RECK: variants seen among roughly 807,000 people sequenced by gnomAD.
The protein encoded by RECK is reversion-inducing cysteine-rich protein with Kazal motifs.
A neutral mutation model predicts 115.1 loss-of-function variants in RECK; 69 were observed. The observed-to-expected ratio is 0.60, with a 90% CI of 0.49 to 0.73. The LOEUF (loss-of-function observed/expected upper bound fraction) is 0.73. Among genes scored for constraint, RECK ranks in the 30% least tolerant of loss-of-function variants. The pLI is 0.00. For missense variants in RECK, 1,047 were observed against 1,203.7 expected, an observed-to-expected ratio of 0.87 and a Z score of 1.93; for synonymous variants, 414 against 419.7, an observed-to-expected ratio of 0.99 and a Z score of 0.17.
At chr9:36,047,591 C>T (rs112563432) in intron 1 of RECK, among the ~76,000 whole-genome samples, 132 of 152,100 alleles carry the variant, frequency 8.7e-4, no homozygotes, top group Middle Eastern at 3.4e-3. Context: ...GGTGACAGCG[C>T]AAGACTCTCA....
At chr9:36,075,310 A>G (rs1822406673) in intron 6 of RECK, among the ~76,000 whole-genome samples, 1 of 152,232 alleles carries the variant, frequency 6.6e-6, no homozygotes, top group Non-Finnish European at 1.5e-5. Context: ...GTTTCTCTGC[A>G]GATGTTACTT....
At chr9:36,037,951 A>G (rs544833111) in intron 1 of RECK, among the ~76,000 whole-genome samples, 22 of 149,856 alleles carry the variant, frequency 1.5e-4, no homozygotes, top group Middle Eastern at 3.4e-3. Flanking sequence ...GGACGTGTGC[A>G]TGCAAAAGTG....
Position 36,094,487 on chromosome 9 carries a change from A to G in RECK, c.1085+3144A>G, listed in dbSNP as rs1823266690. Among the ~76,000 whole-genome samples, 1 of 152,160 alleles carries G rather than the reference A, an allele frequency of 6.6e-6. No individual in the cohort carries two copies. On this transcript the variant is annotated intron_variant, in intron 10 of 20. Coordinates refer to ENST00000377966, the MANE Select transcript of RECK (RefSeq NM_021111.3). The surrounding 1 kb of genome is among the most constrained non-coding windows in gnomAD (Gnocchi z 4.1). ...AAAGAGGTATAGCTAAGAAGCTAAT[A>G]GGAAATATAAAATGGAAAACTAAAA...
At chr9:36,056,620 T>C (rs1821540793) in intron 2 of RECK, among the ~76,000 whole-genome samples, 1 of 152,186 alleles carries the variant, frequency 6.6e-6, no homozygotes. Flanking sequence ...TCTAGACCTA[T>C]ATGGTAGCCA....
chr9:36,094,221 T>G lies in RECK; in HGVS notation c.1085+2878T>G, dbSNP rs1394055302. Among the ~76,000 whole-genome samples, 1 of 152,044 alleles carries G rather than the reference T, an allele frequency of 6.6e-6. No homozygotes were observed. Among genetic ancestry groups the G allele is most frequent in the East Asian group, 1.9e-4 (1 of 5,202 alleles). ...CTTTTTCTTTTTTTTCTTTTGTATT[T>G]TATTTTTCAAAAGTAATTGGTTAAA... On this transcript the variant is annotated intron_variant, in intron 10 of 20. Coordinates refer to ENST00000377966, the MANE Select transcript of RECK (RefSeq NM_021111.3). This position sits in a 1 kb window ranked among gnomAD's most constrained non-coding sequence, Gnocchi z 4.1.
At chr9:36,112,268 A>T in intron 15 of RECK, 37 bp from the exon 16 acceptor site, 1 of 1,602,514 alleles carries the variant, frequency 6.2e-7, no homozygotes, top group Non-Finnish European at 8.5e-7. Context: ...GGGGGAATAT[A>T]CACATACATA....
chr9:36,061,126 CAG>C (rs1821743269), intron 4 of RECK, among the ~76,000 whole-genome samples: 1 of 152,006 alleles, frequency 6.6e-6, no homozygotes, highest in Non-Finnish European at 1.5e-5. Flanking sequence ...AATAATTTAT[CAG>C]GGGATATTCA....
rs1824459517 is a variant in RECK, at chr9:36,121,535, A to T, written c.2541A>T (p.Val847=). Residue 847 remains valine, a splice_region_variant and synonymous_variant, in exon 20 of 21, where the codon GTA becomes GTT. Coordinates refer to ENST00000377966, the MANE Select transcript of RECK (RefSeq NM_021111.3). Reference sequence around the variant, plus strand: ...TAATACATGTTTTCTCTTTCCAGGTAACAAATAAAAAGCCAATAACAGTTC... The same window carrying T: ...TAATACATGTTTTCTCTTTCCAGGTTACAAATAAAAAGCCAATAACAGTTC... ...DKEKLDTIAK[V]TNKKPITVLE... 1 of 1,612,558 alleles carries T rather than the reference A, an allele frequency of 6.2e-7. No individual in the cohort carries two copies. Among genetic ancestry groups the T allele is most frequent in the Admixed American group, 1.7e-5 (1 of 59,824 alleles).
chr9:36,086,471 A>G (rs146673930), intron 8 of RECK, among the ~76,000 whole-genome samples: 2,214 of 152,246 alleles, frequency 0.015, 47 homozygotes, highest in East Asian at 0.061. Flanking sequence ...AGTGAGTGTT[A>G]CAGCTCATGA....
chr9:36,092,456 C>A (rs1415030670), intron 10 of RECK, among the ~76,000 whole-genome samples: 2 of 151,836 alleles, frequency 1.3e-5, no homozygotes, highest in Non-Finnish European at 2.9e-5. Context: ...ACTGCAACCT[C>A]CGCCTCCTGG....
chr9:36,094,990 A>T lies in RECK; in HGVS notation c.1085+3647A>T, dbSNP rs933855218. ...ATCATAAAAAGTATATTTTCTGAAC[A>T]CAACAGAATCAAATTGGAAATCAAT... On this transcript the variant is annotated intron_variant, in intron 10 of 20. Transcript: ENST00000377966. The surrounding 1 kb of genome is among the most constrained non-coding windows in gnomAD (Gnocchi z 4.1). 6.6e-6 allele frequency among the ~76,000 whole-genome samples: 1 copy of T among 152,254 alleles called. No homozygotes were observed. The highest frequency in any genetic ancestry group is 1.5e-5 in the Non-Finnish European group (1 of 68,044).
At chr9:36,061,187 C>T (rs1025463272) in intron 4 of RECK, among the ~76,000 whole-genome samples, 1 of 152,164 alleles carries the variant, frequency 6.6e-6, no homozygotes, top group Non-Finnish European at 1.5e-5. Context: ...CTCATGATCT[C>T]CCAGGATTAC....
intron 4 of RECK, among the ~76,000 whole-genome samples, chr9:36,062,917 C>T (rs1003902869): frequency 6.6e-6 from 1 of 152,096 alleles, no homozygotes; most frequent in East Asian, 1.9e-4. Flanking sequence ...AGCACATTAC[C>T]TGAGGTCAGG....
intron 10 of RECK, among the ~76,000 whole-genome samples, chr9:36,092,340 G>A (rs1440275745): frequency 1.3e-5 from 2 of 151,950 alleles, no homozygotes; most frequent in Non-Finnish European, 2.9e-5. Flanking sequence ...GAAGGTATTG[G>A]AGACTGATCA....
At chr9:36,110,743 T>A (rs2132664720) in intron 15 of RECK, among the ~76,000 whole-genome samples, 1 of 151,814 alleles carries the variant, frequency 6.6e-6, no homozygotes, top group East Asian at 1.9e-4. Flanking sequence ...CATTTCACAC[T>A]GCTGCAGTGG....
chr9:36,066,724 C>T, intron 6 of RECK: 1 of 1,073,606 alleles, frequency 9.3e-7, no homozygotes, highest in South Asian at 1.6e-5. Flanking sequence ...GTGATAATTC[C>T]TTCTTTTCTC....
At chr9:36,093,676 A>T (rs1823243317) in intron 10 of RECK, among the ~76,000 whole-genome samples, 1 of 152,208 alleles carries the variant, frequency 6.6e-6, no homozygotes, top group Admixed American at 6.5e-5. Context: ...AAGGAGCAGA[A>T]AAATATTTGA....
intron 1 of RECK, among the ~76,000 whole-genome samples, chr9:36,052,034 C>A (rs550442680): frequency 1.3e-5 from 2 of 152,304 alleles, no homozygotes; most frequent in South Asian, 4.1e-4. Flanking sequence ...ATTATTATTA[C>A]ATGACAGTCT....
chr9:36,086,977 C>G (rs1021682718), intron 8 of RECK, among the ~76,000 whole-genome samples: 3 of 152,056 alleles, frequency 2.0e-5, no homozygotes, highest in Admixed American at 1.3e-4. Context: ...GCTAAAGATC[C>G]CATGATTGGA....
Sources: allele counts gnomAD v4.1 joint callset (sites outside exome capture counted in the v4.1 genomes callset), GRCh38; gene constraint gnomAD v4.1.1; non-coding constraint Gnocchi (gnomAD v3.1); transcripts MANE v1.5; gene names NCBI Gene and HGNC (gene_info 2026-07-23, HGNC 2026-07-21).